Variants in GSDME observed in about 807,000 individuals in gnomAD.
GSDME encodes gasdermin-E.
Under a neutral mutation model 47.5 loss-of-function variants are expected in GSDME, and 44 were observed. The ratio of observed to expected loss-of-function variants is 0.93; its 90% CI spans 0.73 to 1.19. GSDME has a LOEUF of 1.19. Among genes scored for constraint, GSDME ranks in the 50% most tolerant of loss-of-function variants. The pLI, the probability that GSDME is intolerant of heterozygous loss-of-function variation, is 0.00. For synonymous variants in GSDME, 258 were observed against 252.8 expected (o/e 1.02, Z -0.20); for missense variants, 663 against 604.2 (o/e 1.10, Z -1.02).
the GSDME span, among the ~76,000 whole-genome samples, chr7:24,764,021 A>G: frequency 9.2e-5 from 14 of 152,228 alleles, no homozygotes; most frequent in African/African-American, 3.4e-4. This position sits in a 1 kb window ranked among gnomAD's most constrained non-coding sequence, Gnocchi z 4.4. Context: ...CTAAGAATAC[A>G]GGGAGAGACT....
Position 24,712,760 on chromosome 7 carries a change from T to G in GSDME, c.698-2372A>C, listed in dbSNP as rs1295506982. 1.3e-5 allele frequency among the ~76,000 whole-genome samples: 2 copies of G among 152,170 alleles called. No individual in the cohort carries two copies. Among genetic ancestry groups the G allele is most frequent in the African/African-American group, 4.8e-5 (2 of 41,446 alleles). On this transcript the variant is annotated intron_variant, in intron 5 of 9. Transcript: ENST00000645220. This position sits in a 1 kb window ranked among gnomAD's most constrained non-coding sequence, Gnocchi z 4.4. ...GAGGCCAGGCACGGTGGCTCACACCTATAATCCTAACACTTTGGGAGGTCG... is the reference window on the plus strand; with the variant it reads ...GAGGCCAGGCACGGTGGCTCACACCGATAATCCTAACACTTTGGGAGGTCG...
chr7:24,710,423 G>C (rs766223597), intron 5 of GSDME, 35 bp from the exon 6 acceptor site: 2 of 1,612,872 alleles, frequency 1.2e-6, no homozygotes, highest in East Asian at 4.5e-5. Flanking sequence ...GTTAGGTAAA[G>C]TTGAGTCTAA....
At chr7:24,740,251 A>G (rs185893493) in intron 3 of GSDME, among the ~76,000 whole-genome samples, 2 of 152,266 alleles carry the variant, frequency 1.3e-5, no homozygotes, top group African/African-American at 2.4e-5. Context: ...TCATGGAGAT[A>G]GAAAGTAGAG....
the GSDME span, among the ~76,000 whole-genome samples, chr7:24,778,966 C>G: frequency 6.6e-6 from 1 of 152,208 alleles, no homozygotes; most frequent in Non-Finnish European, 1.5e-5. The surrounding 1 kb of genome is among the most constrained non-coding windows in gnomAD (Gnocchi z 5.6). Context: ...TACCCCACAA[C>G]TCCCTCCTAA....
chr7:24,795,134 G>C, the GSDME span, among the ~76,000 whole-genome samples: 1 of 152,162 alleles, frequency 6.6e-6, no homozygotes, highest in Non-Finnish European at 1.5e-5. Context: ...CCTTCCCGCT[G>C]TTCAGCCGCT....
the GSDME span, among the ~76,000 whole-genome samples, chr7:24,779,821 C>G: frequency 3.4e-3 from 517 of 152,350 alleles, 8 homozygotes; most frequent in African/African-American, 0.012. This position sits in a 1 kb window ranked among gnomAD's most constrained non-coding sequence, Gnocchi z 6.0. Flanking sequence ...CCAACAGCAT[C>G]CCTAGGCTGG....
At chr7:24,794,914 C>T in the GSDME span, among the ~76,000 whole-genome samples, 2 of 152,136 alleles carry the variant, frequency 1.3e-5, no homozygotes, top group Admixed American at 6.5e-5. Flanking sequence ...CAAGTCAGAA[C>T]CGAAATCAAA....
intron 7 of GSDME, 102 bp downstream of exon 7, chr7:24,708,025 G>A: frequency 1.4e-6 from 2 of 1,458,944 alleles, no homozygotes; most frequent in East Asian, 2.3e-5. Context: ...GCTGTAGGGA[G>A]AAAAGGAGGC....
the GSDME span, among the ~76,000 whole-genome samples, chr7:24,790,602 A>C: frequency 6.6e-6 from 1 of 152,224 alleles, no homozygotes; most frequent in African/African-American, 2.4e-5. The surrounding 1 kb of genome is among the most constrained non-coding windows in gnomAD (Gnocchi z 4.1). Context: ...GTGGGACTCC[A>C]GGTGGGTCCA....
At chr7:24,761,461 C>A (rs1791164472), upstream of GSDME, among the ~76,000 whole-genome samples, 1 of 152,210 alleles carries the variant, frequency 6.6e-6, no homozygotes. The surrounding 1 kb of genome is among the most constrained non-coding windows in gnomAD (Gnocchi z 4.4). Flanking sequence ...GAAGAACAAA[C>A]AAAACAAGTC....
Position 24,726,260 on chromosome 7 carries a change from A to G in GSDME, c.405-7042T>C, listed in dbSNP as rs1789962651. ...ATGCAAACTCACAGAGGAGAAACCC[A>G]GAGACAACTTTTAAAAGTCTGACAA... On this transcript the variant is annotated intron_variant, in intron 3 of 9. Coordinates refer to ENST00000645220, the MANE Select transcript of GSDME (RefSeq NM_001127453.2). The surrounding 1 kb of genome is among the most constrained non-coding windows in gnomAD (Gnocchi z 5.6). Among the ~76,000 whole-genome samples, 1 of 152,366 alleles carries G rather than the reference A, an allele frequency of 6.6e-6. No homozygotes were observed. Among genetic ancestry groups the G allele is most frequent in the Admixed American group, 6.5e-5 (1 of 15,306 alleles).
the GSDME span, among the ~76,000 whole-genome samples, chr7:24,794,230 C>T: frequency 6.6e-6 from 1 of 151,754 alleles, no homozygotes; most frequent in Admixed American, 6.6e-5. Context: ...TTGTCTCTTC[C>T]TGTCTCTCTT....
rs909575632 is a variant in GSDME, at chr7:24,714,527, C to T, written c.697+2727G>A. Among the ~76,000 whole-genome samples the T allele has an allele frequency of 2.6e-5, 4 of 152,132 alleles. No individual in the cohort carries two copies. Among genetic ancestry groups the T allele is most frequent in the African/African-American group, 7.2e-5 (3 of 41,420 alleles). On this transcript the variant is annotated intron_variant, in intron 5 of 9. Coordinates refer to ENST00000645220, the MANE Select transcript of GSDME (RefSeq NM_001127453.2). The surrounding 1 kb of genome is among the most constrained non-coding windows in gnomAD (Gnocchi z 5.0). Reference sequence around the variant, plus strand: ...ACCAAGCCACCATAGGAAGGAGCCACGGAGCTGCCTCCTAGGCCAGGATCC... The same window carrying T: ...ACCAAGCCACCATAGGAAGGAGCCATGGAGCTGCCTCCTAGGCCAGGATCC...
the GSDME span, among the ~76,000 whole-genome samples, chr7:24,777,763 G>C: frequency 1.3e-5 from 2 of 152,034 alleles, no homozygotes; most frequent in Admixed American, 6.5e-5. Context: ...ACAGTGGCAC[G>C]CACCTGTAGT....
the GSDME span, among the ~76,000 whole-genome samples, chr7:24,785,874 A>G: frequency 1.3e-5 from 2 of 152,198 alleles, no homozygotes; most frequent in African/African-American, 2.4e-5. Flanking sequence ...GCTATCTGCA[A>G]TCTATTGATT....
Position 24,721,270 on chromosome 7 carries a change from G to T in GSDME, c.405-2052C>A, listed in dbSNP as rs1425128975. On this transcript the variant is annotated intron_variant, in intron 3 of 9. Transcript: ENST00000645220. This position sits in a 1 kb window ranked among gnomAD's most constrained non-coding sequence, Gnocchi z 4.1. ...ATCTATTTTACCACAATAACAAATA[G>T]ATAAGACATAGGAAAAACGGGTTCA... Among the ~76,000 whole-genome samples, 2 of 152,164 alleles carry T rather than the reference G, an allele frequency of 1.3e-5. No homozygotes were observed. Among genetic ancestry groups the T allele is most frequent in the Non-Finnish European group, 2.9e-5 (2 of 68,032 alleles).
upstream of GSDME, among the ~76,000 whole-genome samples, chr7:24,759,436 A>T (rs1232154087): frequency 2.6e-5 from 4 of 152,012 alleles, no homozygotes; most frequent in African/African-American, 9.7e-5. Flanking sequence ...TAAATGCCCG[A>T]GGAAGATAGT....
chr7:24,773,140 T>C, the GSDME span, among the ~76,000 whole-genome samples: 2 of 152,234 alleles, frequency 1.3e-5, no homozygotes, highest in Admixed American at 6.5e-5. The surrounding 1 kb of genome is among the most constrained non-coding windows in gnomAD (Gnocchi z 5.4). Context: ...CTTGTTCTCC[T>C]GGAAACTCGT....
In GSDME at chr7:24,717,264, G is replaced by T. The variant is rs371054976; in HGVS notation, c.687C>A (p.Asp229Glu). The T allele has an allele frequency of 1.3e-6, 2 of 1,579,880 alleles. No homozygotes were observed. The highest frequency in any genetic ancestry group is 1.1e-5 in the South Asian group (1 of 88,638). Residue 229 changes from aspartate to glutamate, a missense_variant, in exon 5 of 10, where the codon GAC becomes GAA. Coordinates refer to ENST00000645220, the MANE Select transcript of GSDME (RefSeq NM_001127453.2). ...GGAGGTGGCACTCACCGAACTGGCC[G>T]TCCAGTTTCACGTATAACTCAATGA... The part of the protein sequence containing the change: ...YGVIELYVKL[D>E]GQFEFCLLRG...
Sources: gnomAD v4.1 joint callset for allele counts (sites outside exome capture counted in the v4.1 genomes callset) on GRCh38, gnomAD v4.1.1 for gene constraint, Gnocchi (gnomAD v3.1) non-coding constraint, MANE v1.5 for transcripts, NCBI Gene and HGNC (gene_info 2026-07-23, HGNC 2026-07-21) for gene names.